The following SLC27A2 variants were observed in gnomAD, a reference collection of about 807,000 sequenced individuals.
The protein encoded by SLC27A2 is solute carrier family 27 member 2.
Under a neutral mutation model 60.0 loss-of-function variants are expected in SLC27A2, and 54 were observed. The observed-to-expected ratio is 0.90, with a 90% CI of 0.72 to 1.13. The LOEUF is 1.13. SLC27A2 is among the 50% of genes most tolerant of loss of function. The pLI is 0.00. For missense variants in SLC27A2, 739 were observed against 777.6 expected (o/e 0.95, Z 0.59); for synonymous variants, 297 against 297.6 (o/e 1.00, Z 0.02).
chr15:50,209,471 C>T (rs2045138095), intron 4 of SLC27A2, among the ~76,000 whole-genome samples: 1 of 152,038 alleles, frequency 6.6e-6, no homozygotes, highest in South Asian at 2.1e-4. Flanking sequence ...TTCTGGCTAG[C>T]AGGAAAATCA....
chr15:50,229,641 A>G (rs1352526910), intron 8 of SLC27A2, among the ~76,000 whole-genome samples: 1 of 152,226 alleles, frequency 6.6e-6, no homozygotes, highest in African/African-American at 2.4e-5. Context: ...AAAATTAAGG[A>G]TAATGCCAGC....
chr15:50,206,795 T>C (rs1439718143), intron 4 of SLC27A2, among the ~76,000 whole-genome samples: 1 of 152,210 alleles, frequency 6.6e-6, no homozygotes, highest in Non-Finnish European at 1.5e-5. Flanking sequence ...GGACTGAACC[T>C]CTAAATCCTT....
chr15:50,225,720 A>T (rs2140912463), intron 5 of SLC27A2, among the ~76,000 whole-genome samples: 1 of 152,360 alleles, frequency 6.6e-6, no homozygotes, highest in African/African-American at 2.4e-5. Context: ...ACACAGAAGC[A>T]TACATTTATT....
intron 1 of SLC27A2, among the ~76,000 whole-genome samples, chr15:50,193,901 G>A (rs966164222): frequency 6.6e-6 from 1 of 152,172 alleles, no homozygotes; most frequent in Non-Finnish European, 1.5e-5. Context: ...GCTCACACCT[G>A]TAATCCCAGC....
Position 50,182,560 on chromosome 15 carries a change from A to G in SLC27A2, c.133A>G (p.Ser45Gly). The G allele has an allele frequency of 6.2e-7, 1 of 1,612,974 alleles. No individual in the cohort carries two copies. The highest frequency in any genetic ancestry group is 8.5e-7 in the Non-Finnish European group (1 of 1,179,446). ...KVAAVGRRVRSYGKRRPARTI... is the reference protein window; with the variant it reads ...KVAAVGRRVRGYGKRRPARTI... ...GGCCGCCGTGGGCCGGAGGGTGCGCAGCTACGGGAAGCGGCGGCCGGCGCG... is the reference window on the plus strand; with the variant it reads ...GGCCGCCGTGGGCCGGAGGGTGCGCGGCTACGGGAAGCGGCGGCCGGCGCG... The change falls in exon 1 of 10, where the codon AGC becomes GGC. Residue 45 changes from serine to glycine, a missense_variant. By Grantham distance (56) the Ser-to-Gly change is moderately conservative. Coordinates refer to ENST00000267842, the MANE Select transcript of SLC27A2 (RefSeq NM_003645.4).
chr15:50,235,085 A>G (rs1442397510), intron 9 of SLC27A2, among the ~76,000 whole-genome samples: 1 of 152,136 alleles, frequency 6.6e-6, no homozygotes, highest in Non-Finnish European at 1.5e-5. Flanking sequence ...GGTTGGTTTA[A>G]TACTCTCACT....
In SLC27A2 at chr15:50,196,153, A is replaced by G. The variant is rs577679375; in HGVS notation, c.479-1347A>G. Among the ~76,000 whole-genome samples the G allele has an allele frequency of 6.7e-5, 9 of 134,044 alleles. 1 individual carries two copies. The East Asian group carries it at 2.1e-3, about 31-fold the overall frequency. 87.9% of individuals were successfully genotyped at this position (134,044 alleles called of 152,430 possible). On this transcript the variant is annotated intron_variant, in intron 1 of 9. Transcript: ENST00000267842. ...ATGTACATTCACTTCCGTTATCACA[A>G]TTCAAGACAAGTAGGCTTAAAAGCA...
At chr15:50,211,114 T>G (rs1296131075) in intron 4 of SLC27A2, among the ~76,000 whole-genome samples, 1 of 152,180 alleles carries the variant, frequency 6.6e-6, no homozygotes, top group Non-Finnish European at 1.5e-5. Context: ...CCACTGCTGG[T>G]GCCTGTCCAC....
At position 50,227,178 on chromosome 15, in the gene SLC27A2, G is replaced by A. The variant is rs772385925; in HGVS notation, c.1457G>A (p.Arg486Gln). The A allele has an allele frequency of 6.2e-6, 10 of 1,612,734 alleles. No individual in the cohort carries two copies. The highest frequency in any genetic ancestry group is 2.2e-5 in the East Asian group (1 of 44,866). ...YFHDRVGDTF[R>Q]WKGENVATTE... ...CACGACAGAGTTGGAGATACATTCC[G>A]GTTGGTTTTTCTGAATCATTGAGCC... Residue 486 changes from arginine (R) to glutamine (Q), a missense_variant and splice_region_variant, in exon 7 of 10, where the codon CGG (arginine) becomes CAG (glutamine). Transcript: ENST00000267842.
At chr15:50,193,117 T>C (rs565421410) in intron 1 of SLC27A2, among the ~76,000 whole-genome samples, 1 of 152,334 alleles carries the variant, frequency 6.6e-6, no homozygotes, top group South Asian at 2.1e-4. Flanking sequence ...TCTGGGCCTT[T>C]GCATAAGCCG....
At chr15:50,208,234 T>C (rs2045128260) in intron 4 of SLC27A2, among the ~76,000 whole-genome samples, 1 of 152,226 alleles carries the variant, frequency 6.6e-6, no homozygotes, top group Admixed American at 6.5e-5. Context: ...TTCTCTGCCC[T>C]CTTCTTAACC....
chr15:50,226,140 A>T, intron 6 of SLC27A2, 62 bp downstream of exon 6: 1 of 1,043,834 alleles, frequency 9.6e-7, no homozygotes, highest in Non-Finnish European at 1.5e-6. Flanking sequence ...GTGACTTTTA[A>T]GGACTAACAT....
At chr15:50,224,276 TA>T (rs1356738394) in intron 5 of SLC27A2, among the ~76,000 whole-genome samples, 1 of 151,912 alleles carries the variant, frequency 6.6e-6, no homozygotes, top group Non-Finnish European at 1.5e-5. Flanking sequence ...CCGTCTCTAC[TA>T]AAAATAAAAA....
chr15:50,219,447 T>TG (rs1405047767), intron 4 of SLC27A2, among the ~76,000 whole-genome samples: 1 of 151,968 alleles, frequency 6.6e-6, no homozygotes, highest in Non-Finnish European at 1.5e-5. Context: ...TTCTTTTTTT[T>TG]GTGGGGGGTG....
intron 6 of SLC27A2, 142 bp from the exon 7 acceptor site, chr15:50,226,838 T>G: frequency 3.2e-6 from 2 of 628,602 alleles, no homozygotes; most frequent in Non-Finnish European, 5.6e-6. Context: ...TACATATAAT[T>G]CACAGGTATA....
intron 5 of SLC27A2, among the ~76,000 whole-genome samples, chr15:50,224,901 T>G (rs1045644099): frequency 1.3e-5 from 2 of 152,176 alleles, no homozygotes; most frequent in Non-Finnish European, 2.9e-5. Flanking sequence ...CTGGAACTGC[T>G]GCTGAGGGTC....
chr15:50,221,524 C>T (rs1350271112), intron 4 of SLC27A2, among the ~76,000 whole-genome samples: 2 of 152,230 alleles, frequency 1.3e-5, no homozygotes. Flanking sequence ...GAAACCAATT[C>T]AGAGTTTGCC....
intron 4 of SLC27A2, among the ~76,000 whole-genome samples, chr15:50,213,172 C>T (rs1399674542): frequency 1.3e-5 from 2 of 152,162 alleles, no homozygotes; most frequent in African/African-American, 4.8e-5. Context: ...TCAGACAAAA[C>T]AAACTTTAAA....
chr15:50,193,662 G>T (rs1170056588), intron 1 of SLC27A2, among the ~76,000 whole-genome samples: 1 of 152,158 alleles, frequency 6.6e-6, no homozygotes. Context: ...TTCATTAAAG[G>T]TTTATCAACT....
Sources: allele counts gnomAD v4.1 joint callset (sites outside exome capture counted in the v4.1 genomes callset), GRCh38; gene constraint gnomAD v4.1.1; transcripts MANE v1.5; gene names NCBI Gene and HGNC (gene_info 2026-07-23, HGNC 2026-07-21).